Variants in RARB observed in about 807,000 individuals in gnomAD.
RARB encodes retinoic acid receptor beta, also known as HBV-activated protein.
Under a neutral mutation model 51.9 loss-of-function variants are expected in RARB, and 17 were observed. The observed-to-expected ratio is 0.33, with a 90% CI of 0.22 to 0.49. The LOEUF is 0.49. Ranked by LOEUF, RARB falls within the 20% of genes least tolerant of loss-of-function variation. RARB has a pLI of 0.99. For synonymous variants in RARB, 215 were observed against 195.4 expected, an observed-to-expected ratio of 1.10 and a Z score of -0.84; for missense variants, 369 against 550.8, an observed-to-expected ratio of 0.67 and a Z score of 3.30.
At chr3:25,189,277 T>C (rs1343463002) in intron 5 of RARB, among the ~76,000 whole-genome samples, 2 of 152,120 alleles carry the variant, frequency 1.3e-5, no homozygotes, top group African/African-American at 4.8e-5. Context: ...CTAAGTTTAA[T>C]CCAAAAATAA....
intron 2 of RARB, among the ~76,000 whole-genome samples, chr3:24,918,780 A>G (rs1695158732): frequency 1.3e-5 from 2 of 152,130 alleles, no homozygotes; most frequent in Non-Finnish European, 2.9e-5. Flanking sequence ...AATCCCAGCT[A>G]CCCAGGAGGC....
At chr3:25,146,762 G>A (rs1349107792) in intron 4 of RARB, among the ~76,000 whole-genome samples, 6 of 151,670 alleles carry the variant, frequency 4.0e-5, no homozygotes, top group African/African-American at 1.2e-4. Flanking sequence ...CTCATGATCC[G>A]CCCACCTTGG....
At chr3:25,424,025 G>C (rs1208036162), upstream of RARB, among the ~76,000 whole-genome samples, 3 of 152,216 alleles carry the variant, frequency 2.0e-5, no homozygotes, top group Non-Finnish European at 4.4e-5. Context: ...AAAGAGAAAA[G>C]TATGCCCTTG....
intron 2 of RARB, among the ~76,000 whole-genome samples, chr3:25,003,718 A>T (rs1575114313): frequency 6.6e-6 from 1 of 152,174 alleles, no homozygotes; most frequent in Non-Finnish European, 1.5e-5. Context: ...CTGAAGATGG[A>T]TGGAAGTTAC....
At position 25,327,558 on chromosome 3, in the gene RARB, G is replaced by A. The variant is rs151108369; in HGVS notation, c.179-133635G>A. On this transcript the variant is annotated intron_variant, in intron 5 of 11. Coordinates refer to the RARB transcript ENST00000383772. Reference sequence around the variant, plus strand: ...TTAAGTTTGAGCATGGAATAGAGACGTCTTTAGATACGTAAGGTCTCAGAA... The same window carrying A: ...TTAAGTTTGAGCATGGAATAGAGACATCTTTAGATACGTAAGGTCTCAGAA... 5.3e-5 allele frequency among the ~76,000 whole-genome samples: 8 copies of A among 152,292 alleles called. No homozygotes were observed. The East Asian group carries it at 9.7e-4, about 18-fold the overall frequency.
intron 5 of RARB, among the ~76,000 whole-genome samples, chr3:25,322,129 G>A (rs9877461): frequency 0.12 from 16,652 of 142,268 alleles, 1,010 homozygotes; most frequent in South Asian, 0.2. Context: ...GGGTCTGGAG[G>A]TATTCCCAAA....
chr3:25,021,945 C>G (rs150700514), intron 2 of RARB, among the ~76,000 whole-genome samples: 1 of 152,160 alleles, frequency 6.6e-6, no homozygotes, highest in African/African-American at 2.4e-5. Context: ...GAGTTAGGCA[C>G]CAAGTAGTAA....
At chr3:25,036,908 C>T (rs1485101448) in intron 2 of RARB, among the ~76,000 whole-genome samples, 1 of 152,100 alleles carries the variant, frequency 6.6e-6, no homozygotes, top group African/African-American at 2.4e-5. Context: ...TTTCTTCTAA[C>T]CTATGGTACT....
chr3:25,076,822 G>C (rs1161545620), intron 3 of RARB, among the ~76,000 whole-genome samples: 2 of 152,172 alleles, frequency 1.3e-5, no homozygotes, highest in African/African-American at 2.4e-5. Flanking sequence ...GGAAGAACAA[G>C]AGATCCTCAA....
intron 2 of RARB, among the ~76,000 whole-genome samples, chr3:24,998,582 G>A (rs927020048): frequency 6.6e-6 from 1 of 152,086 alleles, no homozygotes; most frequent in African/African-American, 2.4e-5. Flanking sequence ...CAGGCCACAT[G>A]TTCTGTTCTG....
chr3:25,244,023 C>T (rs1416534016), intron 5 of RARB, among the ~76,000 whole-genome samples: 3 of 152,070 alleles, frequency 2.0e-5, no homozygotes, highest in South Asian at 4.1e-4. Context: ...TTGACTTCTT[C>T]CTGGTTTAGT....
chr3:25,143,710 G>A (rs756725241), intron 4 of RARB, among the ~76,000 whole-genome samples: 4 of 152,204 alleles, frequency 2.6e-5, no homozygotes, highest in Non-Finnish European at 5.9e-5. Flanking sequence ...CAGTGGATGA[G>A]TATGCGTACT....
intron 2 of RARB, among the ~76,000 whole-genome samples, chr3:24,980,896 A>T (rs11928747): frequency 0.75 from 114,630 of 152,096 alleles, 43,620 homozygotes; most frequent in East Asian, 0.93. Context: ...CCCCATCTTA[A>T]TAGATTTATC....
upstream of RARB, among the ~76,000 whole-genome samples, chr3:25,426,518 C>T (rs1460609084): frequency 2.0e-5 from 3 of 152,256 alleles, no homozygotes; most frequent in Non-Finnish European, 2.9e-5. Context: ...AGTGTTTCAG[C>T]ATGGGGTGGG....
At chr3:25,548,266 A>C (rs140240808) in intron 3 of RARB, among the ~76,000 whole-genome samples, 145 of 152,198 alleles carry the variant, frequency 9.5e-4, no homozygotes, top group African/African-American at 3.3e-3. Flanking sequence ...ATTAGATTTA[A>C]ACACACTGGC....
intron 2 of RARB, among the ~76,000 whole-genome samples, chr3:25,008,606 T>C (rs540377277): frequency 1.3e-5 from 2 of 152,144 alleles, no homozygotes; most frequent in Non-Finnish European, 2.9e-5. Context: ...GCTTAAGTCT[T>C]GGCTGCCTTG....
intron 2 of RARB, among the ~76,000 whole-genome samples, chr3:25,483,094 T>C (rs968913211): frequency 7.9e-5 from 12 of 152,110 alleles, no homozygotes; most frequent in Non-Finnish European, 1.8e-4. Context: ...AGAACAGCCC[T>C]GGATCAAAGA....
chr3:25,059,201 T>A (rs1698499991), intron 2 of RARB, among the ~76,000 whole-genome samples: 1 of 151,868 alleles, frequency 6.6e-6, no homozygotes, highest in Non-Finnish European at 1.5e-5. Context: ...TTGTTGCATC[T>A]CAGTTGAGTT....
intron 5 of RARB, among the ~76,000 whole-genome samples, chr3:25,302,526 G>A (rs186307861): frequency 9.2e-5 from 14 of 152,332 alleles, no homozygotes; most frequent in Admixed American, 9.2e-4. Flanking sequence ...TATATTGTAT[G>A]ATCCCATTTA....
Sources: allele counts gnomAD v4.1 joint callset (sites outside exome capture counted in the v4.1 genomes callset), GRCh38; gene constraint gnomAD v4.1.1; transcripts MANE v1.5; gene names NCBI Gene and HGNC (gene_info 2026-07-23, HGNC 2026-07-21).